Variants in TSPAN18 observed in about 807,000 individuals in gnomAD.
TSPAN18 encodes the protein tetraspanin-18.
A neutral mutation model predicts 27.3 loss-of-function variants in TSPAN18; 14 were observed. That is an observed-to-expected ratio of 0.51 (90% CI 0.34 to 0.80). TSPAN18 has a LOEUF of 0.80. Ranked by LOEUF, TSPAN18 falls within the 30% of genes least tolerant of loss-of-function variation. The pLI is 0.01. For missense variants in TSPAN18, 268 were observed against 323.9 expected (o/e 0.83, Z 1.32); for synonymous variants, 143 against 136.5 (o/e 1.05, Z -0.33).
At chr11:44,728,301 AGAT>A (rs1357309927) in intron 1 of TSPAN18, among the ~76,000 whole-genome samples, 3 of 152,246 alleles carry the variant, frequency 2.0e-5, no homozygotes, top group African/African-American at 7.2e-5. Flanking sequence ...CCCCAGAAAA[AGAT>A]GTAAGAAACT....
At chr11:44,772,935 G>C (rs1855721829) in intron 2 of TSPAN18, among the ~76,000 whole-genome samples, 1 of 152,032 alleles carries the variant, frequency 6.6e-6, no homozygotes, top group Non-Finnish European at 1.5e-5. Context: ...GGGATTACAG[G>C]CGTGAGCCAC....
chr11:44,856,491 G>A lies in TSPAN18; in HGVS notation c.-152-3837G>A, dbSNP rs567395198. Reference sequence around the variant, plus strand: ...TCCAATCTTCCCCTTCCTCCAGGAAGCCTTCCCTGGGGCCTCTCACTCCTC... The same window carrying A: ...TCCAATCTTCCCCTTCCTCCAGGAAACCTTCCCTGGGGCCTCTCACTCCTC... On this transcript the variant is annotated intron_variant, in intron 2 of 9. Transcript: ENST00000520358. Among the ~76,000 whole-genome samples the A allele has an allele frequency of 5.9e-5, 9 of 152,146 alleles. No homozygotes were observed. The East Asian group carries it at 1.7e-3, about 29-fold the overall frequency.
At chr11:44,813,749 A>C (rs1856767133) in intron 2 of TSPAN18, among the ~76,000 whole-genome samples, 1 of 152,234 alleles carries the variant, frequency 6.6e-6, no homozygotes. Flanking sequence ...TGCAAGAGGC[A>C]CAAAACCTTG....
intron 2 of TSPAN18, among the ~76,000 whole-genome samples, chr11:44,840,658 G>A (rs1212987669): frequency 3.3e-5 from 5 of 152,116 alleles, no homozygotes; most frequent in South Asian, 4.1e-4. Context: ...GAAACGCAGC[G>A]GCATGCTGCT....
intron 1 of TSPAN18, among the ~76,000 whole-genome samples, chr11:44,744,500 T>A (rs1034044506): frequency 2.2e-4 from 33 of 151,624 alleles, no homozygotes; most frequent in Admixed American, 2.0e-3. Context: ...AATGGGGGGG[T>A]AGCTTCAAGT....
chr11:44,766,399 C>T (rs1424018979), intron 2 of TSPAN18, among the ~76,000 whole-genome samples: 1 of 152,244 alleles, frequency 6.6e-6, no homozygotes, highest in Non-Finnish European at 1.5e-5. Flanking sequence ...CTCCTGGCAG[C>T]AGCTGCCCTG....
intron 2 of TSPAN18, among the ~76,000 whole-genome samples, chr11:44,842,239 T>C (rs902161468): frequency 6.6e-6 from 1 of 152,212 alleles, no homozygotes; most frequent in Non-Finnish European, 1.5e-5. Flanking sequence ...GGCTGCCCCT[T>C]GCCCATGACT....
intron 5 of TSPAN18, among the ~76,000 whole-genome samples, chr11:44,913,286 G>A (rs1859790918): frequency 6.6e-6 from 1 of 152,222 alleles, no homozygotes; most frequent in South Asian, 2.1e-4. Context: ...TCTGCTCTGA[G>A]ACTGAAGTCC....
intron 3 of TSPAN18, among the ~76,000 whole-genome samples, chr11:44,875,599 C>G (rs139791487): frequency 3.9e-5 from 6 of 152,332 alleles, no homozygotes; most frequent in Non-Finnish European, 8.8e-5. Context: ...AGCACTTGCC[C>G]TGTGCAAAAT....
intron 2 of TSPAN18, among the ~76,000 whole-genome samples, chr11:44,830,816 A>G (rs1368130042): frequency 6.6e-6 from 1 of 152,224 alleles, no homozygotes; most frequent in African/African-American, 2.4e-5. Context: ...CCCTGTCTAA[A>G]TGGAGACTTA....
chr11:44,908,803 G>GAAAGAAAGAA (rs1235951953), intron 4 of TSPAN18, among the ~76,000 whole-genome samples: 1 of 116,146 alleles, frequency 8.6e-6, no homozygotes, highest in East Asian at 2.2e-4. Flanking sequence ...AAGAAAGAAA[G>GAAAGAAAGAA]AAAGAAAGAA....
chr11:44,842,944 A>C (rs1461691632), intron 2 of TSPAN18, among the ~76,000 whole-genome samples: 3 of 150,992 alleles, frequency 2.0e-5, no homozygotes, highest in Non-Finnish European at 4.4e-5. Flanking sequence ...CCTTCCCCCA[A>C]CCAGGTGACT....
chr11:44,917,384 G>A (rs1424760038), intron 5 of TSPAN18, among the ~76,000 whole-genome samples: 3 of 152,242 alleles, frequency 2.0e-5, no homozygotes, highest in South Asian at 2.1e-4. Flanking sequence ...GCAGAAGACT[G>A]TGTTAGATAC....
At chr11:44,915,897 C>T (rs552358557) in intron 5 of TSPAN18, among the ~76,000 whole-genome samples, 2 of 152,292 alleles carry the variant, frequency 1.3e-5, no homozygotes, top group African/African-American at 2.4e-5. Context: ...AGAGCAGAAG[C>T]CTGTGTCGGA....
intron 3 of TSPAN18, among the ~76,000 whole-genome samples, chr11:44,882,585 G>GACACACACACAC (rs199874715): frequency 1.2e-3 from 113 of 92,484 alleles, no homozygotes; most frequent in South Asian, 3.5e-3. Flanking sequence ...GTCAGAGAGA[G>GACACACACACAC]AGACACACAC....
intron 2 of TSPAN18, among the ~76,000 whole-genome samples, chr11:44,835,517 G>A (rs4468337): frequency 6.6e-6 from 1 of 152,110 alleles, no homozygotes; most frequent in Admixed American, 6.5e-5. Context: ...AGGCTTGGGT[G>A]AGGCATTACT....
At chr11:44,924,497 C>T (rs551452572) in intron 8 of TSPAN18, among the ~76,000 whole-genome samples, 1 of 152,236 alleles carries the variant, frequency 6.6e-6, no homozygotes, top group Non-Finnish European at 1.5e-5. Context: ...ATTGCTGTTC[C>T]CTGTCCGGGA....
chr11:44,739,184 C>G (rs1466430794), intron 1 of TSPAN18, among the ~76,000 whole-genome samples: 1 of 152,160 alleles, frequency 6.6e-6, no homozygotes, highest in Non-Finnish European at 1.5e-5. Context: ...ACTTCTGCAC[C>G]TAGGCTGTGA....
chr11:44,777,428 C>T (rs1005702794), intron 2 of TSPAN18, among the ~76,000 whole-genome samples: 2 of 152,146 alleles, frequency 1.3e-5, no homozygotes, highest in Non-Finnish European at 2.9e-5. Flanking sequence ...TCACCAGCAC[C>T]TACTTATGCC....
Sources: gnomAD v4.1 joint callset for allele counts (sites outside exome capture counted in the v4.1 genomes callset) on GRCh38, gnomAD v4.1.1 for gene constraint, MANE v1.5 for transcripts, NCBI Gene and HGNC (gene_info 2026-07-23, HGNC 2026-07-21) for gene names.